The following ADAMTSL1 variants were observed in gnomAD, a reference collection of about 807,000 sequenced individuals.
The protein encoded by ADAMTSL1 is ADAMTS like 1.
In ADAMTSL1, 126 loss-of-function variants were observed where a neutral mutation model predicts 201.8. That is an observed-to-expected ratio of 0.62 (90% CI 0.54 to 0.72). The LOEUF is 0.72. Ranked by LOEUF, ADAMTSL1 falls within the 30% of genes least tolerant of loss-of-function variation. The pLI is 0.00. For missense variants in ADAMTSL1, 2,679 were observed against 2,277.8 expected, an observed-to-expected ratio of 1.18 and a Z score of -3.59; for synonymous variants, 1,121 against 903.4, an observed-to-expected ratio of 1.24 and a Z score of -4.32.
intron 20 of ADAMTSL1, among the ~76,000 whole-genome samples, chr9:18,801,705 T>G (rs556241509): frequency 6.6e-6 from 1 of 152,190 alleles, no homozygotes; most frequent in Non-Finnish European, 1.5e-5. Flanking sequence ...ATCTTGTTCC[T>G]TTTTATGGCT....
chr9:18,684,750 C>G lies in ADAMTSL1; in HGVS notation c.1524C>G (p.Phe508Leu), dbSNP rs1437211698. 1.2e-6 allele frequency: 2 copies of G among 1,613,056 alleles called. No homozygotes were observed. The highest frequency in any genetic ancestry group is 2.2e-5 in the South Asian group (2 of 90,510). The change falls in exon 13 of 29, where the codon TTC becomes TTG. Residue 508 changes from phenylalanine to leucine, a missense_variant. Coordinates refer to ENST00000380548, the MANE Select transcript of ADAMTSL1 (RefSeq NM_001040272.6). The part of the protein sequence containing the change: ...KLPVEAKLPW[F>L]KQAQELEEGA... ...CAGTCGAGGCCAAGTTGCCATGGTT[C>G]AAACAAGCTCAAGAGCTAGAAGAAG...
chr9:18,123,951 A>T (rs751193425), intron 1 of ADAMTSL1, among the ~76,000 whole-genome samples: 5 of 152,084 alleles, frequency 3.3e-5, no homozygotes, highest in Non-Finnish European at 5.9e-5. Context: ...CATTCTTGCC[A>T]GGACTTATTA....
At position 18,196,604 on chromosome 9, in the gene ADAMTSL1, A is replaced by AT. The variant is rs199822309; in HGVS notation, c.207+32626dup. 3.7e-3 allele frequency among the ~76,000 whole-genome samples: 566 copies of AT among 152,046 alleles called. 3 individuals are homozygous for AT. Among genetic ancestry groups the AT allele is most frequent in the African/African-American group, 0.013 (537 of 41,482 alleles). Reference sequence around the variant, plus strand: ...AGTCTCAGTAGATGAGGATGGCTTTATTTGGGGGTGCTCTTCAAACCCGAT... The same window carrying AT: ...AGTCTCAGTAGATGAGGATGGCTTTATTTTGGGGGTGCTCTTCAAACCCGAT... On this transcript the variant is annotated intron_variant, in intron 2 of 29. Coordinates refer to the ADAMTSL1 transcript ENST00000680146.
chr9:18,299,009 C>G (rs1833589559), intron 2 of ADAMTSL1, among the ~76,000 whole-genome samples: 1 of 97,740 alleles, frequency 1.0e-5, no homozygotes, highest in Admixed American at 1.4e-4. Flanking sequence ...CAGACTCCGT[C>G]TCAAAAAAAA....
At chr9:18,460,449 G>C (rs1427443448) in intron 2 of ADAMTSL1, among the ~76,000 whole-genome samples, 1 of 152,126 alleles carries the variant, frequency 6.6e-6, no homozygotes, top group African/African-American at 2.4e-5. Flanking sequence ...AGTGGTAAAA[G>C]TAGATCCAGG....
At chr9:18,449,731 T>C (rs1820332250) in intron 2 of ADAMTSL1, among the ~76,000 whole-genome samples, 1 of 151,850 alleles carries the variant, frequency 6.6e-6, no homozygotes, top group African/African-American at 2.4e-5. Flanking sequence ...AAACAGAAAA[T>C]AGATACAGAT....
chr9:18,268,271 A>T (rs979620141), intron 2 of ADAMTSL1, among the ~76,000 whole-genome samples: 3 of 152,184 alleles, frequency 2.0e-5, no homozygotes, highest in South Asian at 4.1e-4. Context: ...TGTATTGATT[A>T]TAATAGTATG....
chr9:18,423,276 A>T (rs766591066), intron 2 of ADAMTSL1, among the ~76,000 whole-genome samples: 1 of 152,204 alleles, frequency 6.6e-6, no homozygotes, highest in Admixed American at 6.5e-5. Context: ...AAAAATCATA[A>T]ATTACCCAGA....
At chr9:18,203,345 C>G (rs955367988) in intron 2 of ADAMTSL1, among the ~76,000 whole-genome samples, 1 of 151,860 alleles carries the variant, frequency 6.6e-6, no homozygotes, top group Non-Finnish European at 1.5e-5. Context: ...TCCTCCAAGT[C>G]CCTTTAACTA....
intron 2 of ADAMTSL1, among the ~76,000 whole-genome samples, chr9:18,455,777 T>C (rs1489646899): frequency 1.7e-5 from 2 of 117,172 alleles, no homozygotes; most frequent in Non-Finnish European, 3.3e-5. Flanking sequence ...AAAATGTACA[T>C]ACATACACAT....
intron 4 of ADAMTSL1, among the ~76,000 whole-genome samples, chr9:18,619,557 C>T (rs1179002508): frequency 6.6e-6 from 1 of 152,194 alleles, no homozygotes; most frequent in South Asian, 2.1e-4. Context: ...CCAAGCTACT[C>T]TTAAAGTATG....
At chr9:18,906,608 C>A (rs536422540) in intron 27 of ADAMTSL1, 84 bp from the exon 28 acceptor site, 9 of 1,149,968 alleles carry the variant, frequency 7.8e-6, no homozygotes, top group Non-Finnish European at 1.1e-5. Flanking sequence ...CCTAACATTT[C>A]TGAGTTTGCA....
chr9:18,577,793 C>T (rs1043427918), intron 4 of ADAMTSL1, among the ~76,000 whole-genome samples: 1 of 152,016 alleles, frequency 6.6e-6, no homozygotes, highest in African/African-American at 2.4e-5. Context: ...AAGTAACAAA[C>T]TTCTTAATTG....
chr9:18,642,987 A>T lies in ADAMTSL1; in HGVS notation c.834+3576A>T, dbSNP rs117987626. Among the ~76,000 whole-genome samples the T allele has an allele frequency of 1.1e-3, 167 of 151,992 alleles. 2 individuals are homozygous for T. The East Asian group carries it at 0.018, about 17-fold the overall frequency. ...ATCATATGGTAGTTCTGTTTTTCAA[A>T]TTTTTTTAGAAATGTTTATACTGTT... is the stretch of plus-strand genomic sequence containing the variant. On this transcript the variant is annotated intron_variant, in intron 7 of 28. Transcript: ENST00000380548.
Position 18,661,999 on chromosome 9 carries a change from C to T in ADAMTSL1, c.1011C>T (p.Tyr337=). The change falls in exon 9 of 29, where the codon TAC becomes TAT. Residue 337 remains tyrosine (Y), a synonymous_variant. Transcript: ENST00000380548. ...LRSNRVVADQ[Y]CHYYPENIKP... Reference sequence around the variant, plus strand: ...GCAACCGTGTGGTTGCTGACCAATACTGTCACTATTACCCAGAGAACATCA... The same window carrying T: ...GCAACCGTGTGGTTGCTGACCAATATTGTCACTATTACCCAGAGAACATCA... The T allele has an allele frequency of 6.2e-7, 1 of 1,614,098 alleles. No homozygotes were observed. The highest frequency in any genetic ancestry group is 8.5e-7 in the Non-Finnish European group (1 of 1,179,970).
chr9:18,476,637 G>T (rs935245155), intron 1 of ADAMTSL1, among the ~76,000 whole-genome samples: 2 of 152,112 alleles, frequency 1.3e-5, no homozygotes, highest in Admixed American at 1.3e-4. Context: ...ACTTGATAGA[G>T]AAATTGAATT....
intron 3 of ADAMTSL1, among the ~76,000 whole-genome samples, chr9:18,545,739 GA>G (rs1313351572): frequency 1.3e-5 from 2 of 152,136 alleles, no homozygotes; most frequent in African/African-American, 4.8e-5. Flanking sequence ...GGCCTCTAGT[GA>G]ACCAGATAGA....
chr9:18,512,840 C>T (rs145618718), intron 2 of ADAMTSL1, among the ~76,000 whole-genome samples: 1 of 152,140 alleles, frequency 6.6e-6, no homozygotes, highest in East Asian at 1.9e-4. Flanking sequence ...GCTTAGCACA[C>T]AGCAGACATT....
intron 1 of ADAMTSL1, among the ~76,000 whole-genome samples, chr9:18,076,456 A>T (rs1158168578): frequency 6.6e-6 from 1 of 152,226 alleles, no homozygotes; most frequent in African/African-American, 2.4e-5. Context: ...AGTGGCTATA[A>T]ATGCTGTGGC....
Sources: gnomAD v4.1 joint callset for allele counts (sites outside exome capture counted in the v4.1 genomes callset) on GRCh38, gnomAD v4.1.1 for gene constraint, MANE v1.5 for transcripts, NCBI Gene and HGNC (gene_info 2026-07-23, HGNC 2026-07-21) for gene names.